MPDZ: variants seen among roughly 807,000 people sequenced by gnomAD.
MPDZ encodes the protein multiple PDZ domain crumbs cell polarity complex component, also known as multiple PDZ domain protein.
Under a neutral mutation model 239.1 loss-of-function variants are expected in MPDZ, and 234 were observed. The ratio of observed to expected loss-of-function variants is 0.98; its 90% CI spans 0.88 to 1.09. The LOEUF is 1.09. Among genes scored for constraint, MPDZ ranks in the 50% least tolerant of loss-of-function variants. The pLI is 0.00. For synonymous variants in MPDZ, 1,048 were observed against 881.3 expected (o/e 1.19, Z -3.35); for missense variants, 3,175 against 2,510.0 (o/e 1.26, Z -5.66).
At chr9:13,128,717 A>G (rs1053765525) in intron 32 of MPDZ, among the ~76,000 whole-genome samples, 6 of 152,204 alleles carry the variant, frequency 3.9e-5, no homozygotes, top group African/African-American at 7.2e-5. Flanking sequence ...TAGACACATG[A>G]TCTGAATTGA....
At chr9:13,214,174 G>A (rs1190363186) in intron 10 of MPDZ, among the ~76,000 whole-genome samples, 1 of 152,010 alleles carries the variant, frequency 6.6e-6, no homozygotes, top group Non-Finnish European at 1.5e-5. Flanking sequence ...CAACCCGAAT[G>A]TCCATCAATT....
At chr9:13,253,942 C>T (rs1243340316) in intron 1 of MPDZ, among the ~76,000 whole-genome samples, 1 of 152,172 alleles carries the variant, frequency 6.6e-6, no homozygotes, top group Admixed American at 6.5e-5. Context: ...AAATGAGGTA[C>T]AGACAGATTA....
At chr9:13,219,795 G>A in intron 7 of MPDZ, 27 bp from the exon 8 acceptor site, 3 of 1,591,176 alleles carry the variant, frequency 1.9e-6, no homozygotes, top group East Asian at 2.2e-5. Flanking sequence ...TGAATAATTA[G>A]ACTATTATTA....
intron 17 of MPDZ, among the ~76,000 whole-genome samples, chr9:13,187,745 T>C (rs1409277273): frequency 8.8e-5 from 1 of 11,410 alleles, no homozygotes; most frequent in Non-Finnish European, 2.2e-4. Context: ...TATATTTATG[T>C]GTTTGCATTT....
chr9:13,187,846 G>A (rs1473362535), intron 17 of MPDZ, among the ~76,000 whole-genome samples: 1 of 152,042 alleles, frequency 6.6e-6, no homozygotes, highest in Non-Finnish European at 1.5e-5. Context: ...AATGATAAGT[G>A]CCATGTTGCA....
chr9:13,254,023 A>G (rs1588138196), intron 1 of MPDZ, among the ~76,000 whole-genome samples: 1 of 152,208 alleles, frequency 6.6e-6, no homozygotes, highest in African/African-American at 2.4e-5. Context: ...ATCTAGCTCC[A>G]GAGTCCACAA....
chr9:13,109,882 G>C (rs1485654315), intron 45 of MPDZ, 70 bp downstream of exon 45: 2 of 1,201,418 alleles, frequency 1.7e-6, no homozygotes, highest in East Asian at 4.9e-5. Context: ...ATGGGACAGA[G>C]AACGCAACTG....
chr9:13,167,449 G>A (rs1470245856), intron 22 of MPDZ, among the ~76,000 whole-genome samples: 1 of 151,974 alleles, frequency 6.6e-6, no homozygotes, highest in Non-Finnish European at 1.5e-5. Context: ...ACCACAGAAT[G>A]AAAAACAGTC....
chr9:13,227,399 G>A (rs1960966307), intron 3 of MPDZ, among the ~76,000 whole-genome samples: 1 of 151,694 alleles, frequency 6.6e-6, no homozygotes, highest in African/African-American at 2.4e-5. Flanking sequence ...CCTGAGCCAT[G>A]GCAACTTCAA....
At chr9:13,237,650 C>G (rs950652959) in intron 3 of MPDZ, among the ~76,000 whole-genome samples, 1 of 151,538 alleles carries the variant, frequency 6.6e-6, no homozygotes, top group Non-Finnish European at 1.5e-5. Context: ...GACATTTTCT[C>G]AAAAATAAAC....
chr9:13,253,621 A>G (rs973937525), intron 1 of MPDZ, among the ~76,000 whole-genome samples: 1 of 152,196 alleles, frequency 6.6e-6, no homozygotes, highest in Non-Finnish European at 1.5e-5. Flanking sequence ...TACCTGAGTG[A>G]TAACAGTGGG....
At chr9:13,201,251 T>A (rs1310467823) in intron 12 of MPDZ, among the ~76,000 whole-genome samples, 1 of 152,106 alleles carries the variant, frequency 6.6e-6, no homozygotes, top group Non-Finnish European at 1.5e-5. Flanking sequence ...TTCATTTTTG[T>A]TCCCATTTGC....
At chr9:13,114,210 A>G (rs939651522) in intron 40 of MPDZ, among the ~76,000 whole-genome samples, 189 bp from the exon 41 acceptor site, 1 of 152,216 alleles carries the variant, frequency 6.6e-6, no homozygotes, top group Non-Finnish European at 1.5e-5. Context: ...GTCTAGTGAC[A>G]TAAATAAATT....
At chr9:13,116,980 C>T (rs1433013716) in intron 39 of MPDZ, among the ~76,000 whole-genome samples, 1 of 151,928 alleles carries the variant, frequency 6.6e-6, no homozygotes. Flanking sequence ...TAAGACCCCC[C>T]GCCAGTGGAT....
chr9:13,237,761 T>A (rs1964450669), intron 3 of MPDZ, among the ~76,000 whole-genome samples: 1 of 152,200 alleles, frequency 6.6e-6, no homozygotes, highest in Admixed American at 6.5e-5. Flanking sequence ...AACATCTGTA[T>A]CTGCCACCTT....
chr9:13,128,596 T>C (rs1161065872), intron 32 of MPDZ, among the ~76,000 whole-genome samples: 2 of 152,194 alleles, frequency 1.3e-5, no homozygotes, highest in African/African-American at 4.8e-5. Context: ...TTGTGAAGTT[T>C]GGTGGTAATT....
At chr9:13,161,014 G>T (rs1386548358) in intron 23 of MPDZ, among the ~76,000 whole-genome samples, 6 of 151,210 alleles carry the variant, frequency 4.0e-5, no homozygotes, top group African/African-American at 1.5e-4. Flanking sequence ...GTGGATTTTG[G>T]TATCCATGGG....
intron 1 of MPDZ, 167 bp downstream of exon 1, chr9:13,279,233 C>A (rs1223531967): frequency 1.9e-4 from 25 of 134,300 alleles, no homozygotes; most frequent in Non-Finnish European, 2.9e-4. Context: ...CACCGCCCCA[C>A]GGCCCGCCGC....
Position 13,106,902 on chromosome 9 carries a change from G to C in MPDZ, c.*63C>G. ...CACAGCATAAAAATTGTCAGGACCA[G>C]TGCATTCTCTTTACAGTAGGAGGTG... On this transcript the variant is annotated 3_prime_UTR_variant, in exon 47 of 47. Coordinates refer to ENST00000319217, the MANE Select transcript of MPDZ (RefSeq NM_001378778.1). 1 of 1,575,868 alleles carries C rather than the reference G, an allele frequency of 6.3e-7. No homozygotes were observed. Among genetic ancestry groups the C allele is most frequent in the Non-Finnish European group, 8.7e-7 (1 of 1,149,300 alleles).
Sources: allele counts gnomAD v4.1 joint callset (sites outside exome capture counted in the v4.1 genomes callset), GRCh38; gene constraint gnomAD v4.1.1; transcripts MANE v1.5; gene names NCBI Gene and HGNC (gene_info 2026-07-23, HGNC 2026-07-21).